Variants in RILPL1 observed in about 807,000 individuals in gnomAD.
The protein encoded by RILPL1 is RILP-like protein 1.
RILPL1 carries 33 observed loss-of-function variants against 50.3 expected under a neutral mutation model. The observed-to-expected ratio is 0.66, with a 90% CI of 0.50 to 0.88. The LOEUF is 0.88. Among genes scored for constraint, RILPL1 ranks in the 40% least tolerant of loss-of-function variants. The pLI is 0.00. For synonymous variants in RILPL1, 205 were observed against 228.6 expected, an observed-to-expected ratio of 0.90 and a Z score of 0.93; for missense variants, 418 against 542.5, an observed-to-expected ratio of 0.77 and a Z score of 2.28.
chr12:123,503,041 C>A (rs1593568696), intron 2 of RILPL1, among the ~76,000 whole-genome samples: 1 of 151,920 alleles, frequency 6.6e-6, no homozygotes, highest in African/African-American at 2.4e-5. Context: ...GTCCCCGCCA[C>A]CACGCTCGGC....
Position 123,533,065 on chromosome 12 carries a change from C to T in RILPL1, c.309+109G>A. On this transcript the variant is annotated intron_variant, in intron 1 of 6. Transcript: ENST00000376874. This position sits in a 1 kb window ranked among gnomAD's most constrained non-coding sequence, Gnocchi z 6.2. Reference sequence around the variant, plus strand: ...CTCCCCACGTCGGGTCTCCTCTGGTCCGGTCCCTGAACACACACACGTGCG... The same window carrying T: ...CTCCCCACGTCGGGTCTCCTCTGGTTCGGTCCCTGAACACACACACGTGCG... 1 of 1,217,878 alleles carries T rather than the reference C, an allele frequency of 8.2e-7. No homozygotes were observed. Among genetic ancestry groups the T allele is most frequent in the Non-Finnish European group, 1.1e-6 (1 of 894,182 alleles). 75.4% of individuals were successfully genotyped at this position (1,217,878 alleles called of 1,614,324 possible).
chr12:123,478,470 G>A lies in RILPL1; in HGVS notation c.1067+5710C>T, dbSNP rs1216005996. Among the ~76,000 whole-genome samples, 7 of 151,514 alleles carry A rather than the reference G, an allele frequency of 4.6e-5. No individual in the cohort carries two copies. In the South Asian group the frequency reaches 1.0e-3, roughly 23 times the overall value. Reference sequence around the variant, plus strand: ...ATCCTGTAGCTGGTTTTAACTCCCCGCTCCCCGCCAAATATTTCTGGAAGA... The same window carrying A: ...ATCCTGTAGCTGGTTTTAACTCCCCACTCCCCGCCAAATATTTCTGGAAGA... On this transcript the variant is annotated intron_variant, in intron 6 of 6. Coordinates refer to ENST00000376874, the MANE Select transcript of RILPL1 (RefSeq NM_178314.5).
chr12:123,521,539 G>GTA (rs1207444906), intron 2 of RILPL1, among the ~76,000 whole-genome samples: 17 of 127,714 alleles, frequency 1.3e-4, no homozygotes, highest in African/African-American at 3.5e-4. Context: ...ATAAATATAT[G>GTA]TATATATATG....
rs958371511 is a variant in RILPL1, at chr12:123,489,613, G to A, written c.802-3808C>T. ...CAGGAGATGGAGGTTACAGTGAGCT[G>A]ACACGGTGCCACTGTACTCCAGCCT... On this transcript the variant is annotated intron_variant, in intron 4 of 6. Coordinates refer to ENST00000376874, the MANE Select transcript of RILPL1 (RefSeq NM_178314.5). The surrounding 1 kb of genome is among the most constrained non-coding windows in gnomAD (Gnocchi z 4.0). Among the ~76,000 whole-genome samples, 1 of 151,942 alleles carries A rather than the reference G, an allele frequency of 6.6e-6. No individual in the cohort carries two copies. Among genetic ancestry groups the A allele is most frequent in the African/African-American group, 2.4e-5 (1 of 41,348 alleles).
intron 2 of RILPL1, among the ~76,000 whole-genome samples, chr12:123,511,041 C>T (rs1383005413): frequency 2.2e-5 from 2 of 89,930 alleles, no homozygotes; most frequent in Non-Finnish European, 4.3e-5. Context: ...GTGGTGGCAT[C>T]TGTGTGTGTG....
chr12:123,530,030 G>C (rs545191513), intron 1 of RILPL1, among the ~76,000 whole-genome samples: 1 of 152,208 alleles, frequency 6.6e-6, no homozygotes, highest in Admixed American at 6.5e-5. Flanking sequence ...AGACACACCA[G>C]ATTTCAAAGA....
chr12:123,485,718 G>A lies in RILPL1; in HGVS notation c.889C>T (p.Gln297Ter). Residue 297 changes from glutamine (Q) to a stop codon, truncating the protein, a stop_gained, in exon 5 of 7, where the codon CAG (glutamine) becomes TAG (stop). Coordinates refer to ENST00000376874, the MANE Select transcript of RILPL1 (RefSeq NM_178314.5). LOFTEE classifies it high-confidence loss of function. This position sits in a 1 kb window ranked among gnomAD's most constrained non-coding sequence, Gnocchi z 4.0. ...KDPNRPRFTL[Q>*]ELRDVLHERN... ...TCGTGCAGCACGTCCCGCAGCTCCT[G>A]CAGGGTGAACCGGGGGCGGTTGGGG... is the stretch of plus-strand genomic sequence containing the variant. 1 of 1,613,384 alleles carries A rather than the reference G, an allele frequency of 6.2e-7. No homozygotes were observed. The highest frequency in any genetic ancestry group is 8.5e-7 in the Non-Finnish European group (1 of 1,179,668).
intron 2 of RILPL1, among the ~76,000 whole-genome samples, chr12:123,506,225 G>T (rs1241508154): frequency 6.6e-6 from 1 of 152,230 alleles, no homozygotes; most frequent in Non-Finnish European, 1.5e-5. Context: ...CAGCACAGGC[G>T]GCAGTGAGTG....
chr12:123,495,647 T>A (rs1416111650), intron 4 of RILPL1, among the ~76,000 whole-genome samples: 1 of 148,666 alleles, frequency 6.7e-6, no homozygotes, highest in Non-Finnish European at 1.5e-5. Context: ...GTGCTGGGAT[T>A]ACAGGCGTGA....
At chr12:123,499,393 C>T (rs756119751) in intron 3 of RILPL1, 25 bp downstream of exon 3, 18 of 1,550,980 alleles carry the variant, frequency 1.2e-5, no homozygotes, top group East Asian at 4.5e-5. Context: ...GGAGGGTGGA[C>T]GCAGGTCAGG....
intron 2 of RILPL1, among the ~76,000 whole-genome samples, chr12:123,504,881 C>T (rs1018025008): frequency 3.9e-5 from 6 of 152,100 alleles, no homozygotes; most frequent in Admixed American, 1.3e-4. Flanking sequence ...CACCAGGGCA[C>T]GAGATGCAAA....
At chr12:123,505,176 T>C (rs1883655785) in intron 2 of RILPL1, among the ~76,000 whole-genome samples, 1 of 152,076 alleles carries the variant, frequency 6.6e-6, no homozygotes, top group Non-Finnish European at 1.5e-5. Context: ...GAGTAGCTGG[T>C]ACTACAGGCA....
chr12:123,477,337 CTTTTTTTTTTTT>C lies in RILPL1; in HGVS notation c.1068-4667_1068-4656del, dbSNP rs371346379. 5.4e-3 allele frequency among the ~76,000 whole-genome samples: 564 copies of C among 105,358 alleles called. 3 individuals carry two copies. The highest frequency in any genetic ancestry group is 0.017 in the African/African-American group (517 of 30,892). 69.1% of individuals were successfully genotyped at this position (105,358 alleles called of 152,430 possible). A position where few individuals can be genotyped will look rare whatever the true frequency, so the allele number is the denominator to read the frequency against. On this transcript the variant is annotated intron_variant, in intron 6 of 6. Transcript: ENST00000376874. ...GTTGGTATCTTTTCTTTCTTTCTTT[CTTTTTTTTTTTT>C]TTTTTTTTTGAGACAGTCTCGCTTT...
At chr12:123,527,754 G>A (rs75829849) in intron 1 of RILPL1, among the ~76,000 whole-genome samples, 205 of 152,272 alleles carry the variant, frequency 1.3e-3, no homozygotes, top group African/African-American at 4.7e-3. Flanking sequence ...CTTCGTAAGA[G>A]GAAGGCAGGT....
chr12:123,493,530 T>C (rs1882832224), intron 4 of RILPL1, among the ~76,000 whole-genome samples: 1 of 152,182 alleles, frequency 6.6e-6, no homozygotes, highest in South Asian at 2.1e-4. Context: ...CGTTCCACCT[T>C]ATGAGAAACA....
At chr12:123,504,346 C>T (rs1232252794) in intron 2 of RILPL1, among the ~76,000 whole-genome samples, 1 of 152,108 alleles carries the variant, frequency 6.6e-6, no homozygotes, top group Non-Finnish European at 1.5e-5. Flanking sequence ...GCCATTGCAT[C>T]AGAGTCCTTG....
At position 123,517,728 on chromosome 12, in the gene RILPL1, C is replaced by T. The variant is rs1450155214; in HGVS notation, c.460+5767G>A. 3.3e-5 allele frequency among the ~76,000 whole-genome samples: 5 copies of T among 152,186 alleles called. No individual in the cohort carries two copies. In the East Asian group the frequency reaches 5.8e-4, roughly 18 times the overall value. Reference sequence around the variant, plus strand: ...TGAGCCACCGCGCTTCTGAGAGCACCGTTGAGCTCAACGTATCCAATTCGG... The same window carrying T: ...TGAGCCACCGCGCTTCTGAGAGCACTGTTGAGCTCAACGTATCCAATTCGG... On this transcript the variant is annotated intron_variant, in intron 2 of 6. Transcript: ENST00000376874.
chr12:123,502,989 GTGATT>G (rs1883494606), intron 2 of RILPL1, among the ~76,000 whole-genome samples: 1 of 151,770 alleles, frequency 6.6e-6, no homozygotes, highest in Non-Finnish European at 1.5e-5. Flanking sequence ...CTGGGTTCCA[GTGATT>G]CTCCTGCCTC....
rs1488181554 is a variant in RILPL1, at chr12:123,533,577, C to T, written c.-95G>A. 9.4e-7 allele frequency: 1 copy of T among 1,063,124 alleles called. No homozygotes were observed. Among genetic ancestry groups the T allele is most frequent in the East Asian group, 3.4e-5 (1 of 29,156 alleles). 65.9% of individuals were successfully genotyped at this position (1,063,124 alleles called of 1,614,324 possible). A position where few individuals can be genotyped will look rare whatever the true frequency, so the allele number is the denominator to read the frequency against. Reference sequence around the variant, plus strand: ...CGGGCCGGCCGGGCCCAGCCTGGGCCGCGGGCGGGCGCGCTCAGCGGGCGC... The same window carrying T: ...CGGGCCGGCCGGGCCCAGCCTGGGCTGCGGGCGGGCGCGCTCAGCGGGCGC... On this transcript the variant is annotated 5_prime_UTR_variant, in exon 1 of 7. Transcript: ENST00000376874. This position sits in a 1 kb window ranked among gnomAD's most constrained non-coding sequence, Gnocchi z 6.2.
Sources: allele counts gnomAD v4.1 joint callset (sites outside exome capture counted in the v4.1 genomes callset), GRCh38; gene constraint gnomAD v4.1.1; non-coding constraint Gnocchi (gnomAD v3.1); transcripts MANE v1.5; gene names NCBI Gene and HGNC (gene_info 2026-07-23, HGNC 2026-07-21).